Variants in ADGRG4 observed in about 807,000 individuals in gnomAD.
ADGRG4 encodes the protein adhesion G protein-coupled receptor G4, also known as G protein-coupled receptor 112.
ADGRG4 carries 122 observed loss-of-function variants against 126.2 expected under a neutral mutation model. That is an observed-to-expected ratio of 0.97 (90% CI 0.83 to 1.12). ADGRG4 has a LOEUF of 1.12. Among genes scored for constraint, ADGRG4 ranks in the 50% most tolerant of loss-of-function variants. The pLI, the probability that ADGRG4 is intolerant of heterozygous loss-of-function variation, is 0.00. For missense variants in ADGRG4, 2,481 were observed against 2,251.8 expected, an observed-to-expected ratio of 1.10 and a Z score of -2.06; for synonymous variants, 943 against 838.7, an observed-to-expected ratio of 1.12 and a Z score of -2.15.
At chrX:136,356,674 A>G (rs931841178) in intron 9 of ADGRG4, among the ~76,000 whole-genome samples, 9 of 111,826 alleles carry the variant, frequency 8.0e-5, no homozygotes, top group African/African-American at 2.9e-4. Context: ...GTGTGAGGTA[A>G]GTATTTGATG....
At chrX:136,373,993 C>A (rs1029573340) in intron 15 of ADGRG4, among the ~76,000 whole-genome samples, 2 of 111,377 alleles carry the variant, frequency 1.8e-5, no homozygotes, top group African/African-American at 6.5e-5. Context: ...ATTACTATCA[C>A]CTCTGAAAGC....
intron 15 of ADGRG4, among the ~76,000 whole-genome samples, chrX:136,381,088 A>G (rs1442646814): frequency 9.0e-6 from 1 of 110,825 alleles, no homozygotes; most frequent in Admixed American, 9.6e-5. Flanking sequence ...CATAATCCTA[A>G]AAAGCTGTAA....
At chrX:136,390,475 C>T (rs925064097) in intron 16 of ADGRG4, among the ~76,000 whole-genome samples, 1 of 111,460 alleles carries the variant, frequency 9.0e-6, no homozygotes, top group African/African-American at 3.3e-5. Flanking sequence ...CACAGGGGCT[C>T]TGGGTGCATA....
At position 136,363,519 on chromosome X, in the gene ADGRG4, A is replaced by T. The variant is rs771688644; in HGVS notation, c.7320A>T (p.Pro2440=). Residue 2440 remains proline, a synonymous_variant, in exon 13 of 26, where the codon CCA becomes CCT. Coordinates refer to ENST00000394143, the MANE Select transcript of ADGRG4 (RefSeq NM_153834.4). The part of the protein sequence containing the change: ...INTGKSQWEK[P]KFKQCKLLQE... ...CGGGCAAATCTCAGTGGGAAAAGCC[A>T]AAGTTTAAACAATGCAAATTGCTTC... 4.2e-6 allele frequency: 5 copies of T among 1,204,557 alleles called. No homozygotes were observed. The African/African-American group carries it at 8.7e-5, about 21-fold the overall frequency.
At chrX:136,389,638 C>T (rs1467106689) in intron 16 of ADGRG4, among the ~76,000 whole-genome samples, 1 of 112,087 alleles carries the variant, frequency 8.9e-6, no homozygotes, top group East Asian at 2.8e-4. Flanking sequence ...TTGAGGACCT[C>T]GAGTCTCAGA....
chrX:136,371,254 A>C lies in ADGRG4; in HGVS notation c.7397-74A>C, dbSNP rs977387182. On this transcript the variant is annotated intron_variant, in intron 13 of 25. Coordinates refer to ENST00000394143, the MANE Select transcript of ADGRG4 (RefSeq NM_153834.4). ...TCTCATCTCACCCTCTTTACTCTTT[A>C]AAGGGAAAGAAGCACACCAGAATGG... is the stretch of plus-strand genomic sequence containing the variant. 1.3e-5 allele frequency: 9 copies of C among 682,333 alleles called. No individual in the cohort carries two copies. The African/African-American group carries it at 2.0e-4, about 15-fold the overall frequency. The allele number at this position is 682,333 out of a possible 1,213,427, so 56.2% of individuals were successfully genotyped here.
At chrX:136,302,708 T>C (rs192396635) in intron 1 of ADGRG4, among the ~76,000 whole-genome samples, 1 of 112,157 alleles carries the variant, frequency 8.9e-6, no homozygotes, top group East Asian at 2.8e-4. Flanking sequence ...TTGCGGACTA[T>C]ATGAATACTG....
chrX:136,307,238 A>G (rs1267045463), intron 3 of ADGRG4, among the ~76,000 whole-genome samples: 1 of 112,347 alleles, frequency 8.9e-6, no homozygotes, highest in Non-Finnish European at 1.9e-5. Flanking sequence ...TTGCCTTCGA[A>G]ATATCATCTC....
intron 13 of ADGRG4, among the ~76,000 whole-genome samples, chrX:136,367,386 G>T (rs999062249): frequency 8.9e-6 from 1 of 112,447 alleles, no homozygotes; most frequent in Non-Finnish European, 1.9e-5. Flanking sequence ...TGAAGTGAGT[G>T]GGCGGAAAGT....
Position 136,347,323 on chromosome X carries a change from A to G in ADGRG4, c.3617A>G (p.Glu1206Gly), listed in dbSNP as rs1176367934. ...GCCAGCTTGGCTACTGGCACCACAG[A>G]GACCTCTGTTGTTGATGAGACCACA... Reference protein sequence around the residue: ...VVASLATGTTETSVVDETTPS... With the variant: ...VVASLATGTTGTSVVDETTPS... The change falls in exon 6 of 26, where the codon GAG (glutamate) becomes GGG (glycine). Residue 1206 changes from glutamate (E) to glycine (G), a missense_variant. Glu to Gly is a moderately conservative substitution (Grantham distance 98). Transcript: ENST00000394143. 8.3e-7 allele frequency: 1 copy of G among 1,208,737 alleles called. No individual in the cohort carries two copies. Among genetic ancestry groups the G allele is most frequent in the African/African-American group, 1.8e-5 (1 of 57,063 alleles).
Position 136,350,427 on chromosome X carries a change from T to C in ADGRG4, c.6721T>C (p.Ser2241Pro). The C allele has an allele frequency of 8.3e-7, 1 of 1,202,187 alleles. No homozygotes were observed. Among genetic ancestry groups the C allele is most frequent in the Non-Finnish European group, 1.1e-6 (1 of 890,777 alleles). Residue 2241 changes from serine to proline, a missense_variant, in exon 6 of 26, where the codon TCC (serine) becomes CCC (proline). By Grantham distance (74) the Ser-to-Pro change is moderately conservative. Coordinates refer to ENST00000394143, the MANE Select transcript of ADGRG4 (RefSeq NM_153834.4). ...ATCGACTTCGCCTACTGCCACCAAG[T>C]CCACAGGTACTGCTCCATAATGCAT... The part of the protein sequence containing the change: ...EASTSPTATK[S>P]TVSFYNVEMS...
rs113634895 is a variant in ADGRG4, at chrX:136,349,982, A to G, written c.6276A>G (p.Ile2092Met). The G allele has an allele frequency of 3.3e-6, 4 of 1,209,058 alleles. No individual in the cohort carries two copies. The highest frequency in any genetic ancestry group is 4.5e-6 in the Non-Finnish European group (4 of 893,310). ...TGFPTSLPMS[I>M]NVTDDIVYIS... The stretch of plus-strand genomic sequence containing the variant: ...TCCCAACTTCTCTCCCTATGTCTAT[A>G]AATGTCACAGATGACATTGTGTACA... Residue 2092 changes from isoleucine (I) to methionine (M), a missense_variant, in exon 6 of 26, where the codon ATA (isoleucine) becomes ATG (methionine). Ile to Met is a conservative substitution (Grantham distance 10). Transcript: ENST00000394143.
intron 21 of ADGRG4, 26 bp downstream of exon 21, chrX:136,400,142 A>G: frequency 9.2e-7 from 1 of 1,089,647 alleles, no homozygotes; most frequent in Non-Finnish European, 1.3e-6. Context: ...ATTGTTTTTG[A>G]TATTTATGTC....
At chrX:136,312,773 A>G (rs974766796) in intron 4 of ADGRG4, among the ~76,000 whole-genome samples, 3 of 111,861 alleles carry the variant, frequency 2.7e-5, no homozygotes, top group African/African-American at 9.8e-5. Flanking sequence ...ATTCCAGAGC[A>G]TTTTTATAAC....
At chrX:136,302,794 G>A (rs754590314) in intron 1 of ADGRG4, among the ~76,000 whole-genome samples, 3 of 111,743 alleles carry the variant, frequency 2.7e-5, no homozygotes, top group Non-Finnish European at 5.6e-5. Context: ...TACGTACCAG[G>A]TAGTGTTTTA....
chrX:136,335,347 T>C (rs1409756295), intron 5 of ADGRG4, among the ~76,000 whole-genome samples: 2 of 110,282 alleles, frequency 1.8e-5, no homozygotes, highest in East Asian at 2.8e-4. Context: ...TTCTTTCTTT[T>C]TTTTTTTTTA....
At chrX:136,379,006 G>C (rs1445631949) in intron 15 of ADGRG4, among the ~76,000 whole-genome samples, 1 of 111,907 alleles carries the variant, frequency 8.9e-6, no homozygotes, top group Non-Finnish European at 1.9e-5. Flanking sequence ...CATTCTAAAA[G>C]TGAGTTGGGA....
intron 23 of ADGRG4, among the ~76,000 whole-genome samples, chrX:136,410,565 G>T (rs747296530): frequency 3.6e-5 from 4 of 111,829 alleles, no homozygotes; most frequent in African/African-American, 1.3e-4. Flanking sequence ...CAATTTAGAG[G>T]CAAGCTGAAC....
In ADGRG4 at chrX:136,348,184, A is replaced by G; in HGVS notation, c.4478A>G (p.Asn1493Ser). ...ATCACTACAGCCTTTTCTGTTCCAAATGTACCTACAATGCTTCCTAGAGAA... is the reference window on the plus strand; with the variant it reads ...ATCACTACAGCCTTTTCTGTTCCAAGTGTACCTACAATGCTTCCTAGAGAA... ...DRITTAFSVP[N>S]VPTMLPRESS... The change falls in exon 6 of 26, where the codon AAT becomes AGT. Residue 1493 changes from asparagine to serine, a missense_variant. Physicochemically the swap from Asn to Ser is conservative, Grantham distance 46. Transcript: ENST00000394143. The G allele has an allele frequency of 8.3e-7, 1 of 1,206,993 alleles. No homozygotes were observed.
Sources: allele counts gnomAD v4.1 joint callset (sites outside exome capture counted in the v4.1 genomes callset), GRCh38; gene constraint gnomAD v4.1.1; transcripts MANE v1.5; gene names NCBI Gene and HGNC (gene_info 2026-07-23, HGNC 2026-07-21).